NBPF12: variants seen among roughly 807,000 people sequenced by gnomAD.
NBPF12 encodes the protein NBPF member 12.
A neutral mutation model predicts 146.4 loss-of-function variants in NBPF12; 115 were observed. The observed-to-expected ratio is 0.79, with a 90% CI of 0.68 to 0.92. The LOEUF (loss-of-function observed/expected upper bound fraction) is 0.92, where lower values mean the gene tolerates loss of function less well. NBPF12 is among the 40% of genes least tolerant of loss of function. NBPF12 has a pLI of 0.00. For missense variants in NBPF12, 1,205 were observed against 1,326.8 expected, an observed-to-expected ratio of 0.91 and a Z score of 1.43; for synonymous variants, 385 against 508.9, an observed-to-expected ratio of 0.76 and a Z score of 3.28.
chr1:146,989,370 G>T (rs1347845046), intron 27 of NBPF12, among the ~76,000 whole-genome samples: 3 of 142,052 alleles, frequency 2.1e-5, no homozygotes, highest in African/African-American at 8.2e-5. Flanking sequence ...CTCTGTCTCT[G>T]TCTCTCTCTC....
intron 8 of NBPF12, among the ~76,000 whole-genome samples, chr1:146,966,124 C>G (rs1168787744): frequency 1.3e-5 from 2 of 151,762 alleles, no homozygotes; most frequent in Non-Finnish European, 2.9e-5. Flanking sequence ...AAACAAAAAA[C>G]CAAAAAAGAA....
intron 19 of NBPF12, among the ~76,000 whole-genome samples, chr1:146,980,740 GAACTAGA>G (rs1473817190): frequency 0.01 from 1,512 of 149,396 alleles, 48 homozygotes; most frequent in African/African-American, 0.035. Context: ...CAGGGATCTA[GAACTAGA>G]AATACCATTT....
intron 8 of NBPF12, among the ~76,000 whole-genome samples, chr1:146,965,414 G>C (rs1553885492): frequency 1.3e-5 from 2 of 150,042 alleles, no homozygotes; most frequent in South Asian, 4.2e-4. Context: ...GTGGGAGGAT[G>C]GGCTGAGATG....
intron 14 of NBPF12, among the ~76,000 whole-genome samples, chr1:146,974,104 G>T (rs1656836316): frequency 1.3e-5 from 2 of 150,130 alleles, no homozygotes; most frequent in Non-Finnish European, 2.9e-5. Flanking sequence ...AACATTTATT[G>T]GCACAGAGTA....
At chr1:146,969,883 C>CAG (rs1656472280) in intron 11 of NBPF12, among the ~76,000 whole-genome samples, 4 of 150,766 alleles carry the variant, frequency 2.7e-5, no homozygotes, top group East Asian at 2.0e-4. Context: ...GATGGGAGGG[C>CAG]GCTTGTTGGA....
At position 146,939,962 on chromosome 1, in the gene NBPF12, G is replaced by C. The variant is rs1365083816; in HGVS notation, c.-822+980G>C. ...ATCTTGTCACTGCACTCCAGCCTGGGTGACAGAGCGAGACTCCCTCTAAAA... is the reference window on the plus strand; with the variant it reads ...ATCTTGTCACTGCACTCCAGCCTGGCTGACAGAGCGAGACTCCCTCTAAAA... On this transcript the variant is annotated intron_variant, in intron 1 of 35. Transcript: ENST00000617931. 4.9e-4 allele frequency among the ~76,000 whole-genome samples: 71 copies of C among 144,140 alleles called. 1 individual carries two copies. The Middle Eastern group carries it at 0.014, about 29-fold the overall frequency. The allele number at this position is 144,140 out of a possible 152,430, so 94.6% of individuals were successfully genotyped here. A position where few individuals can be genotyped will look rare whatever the true frequency, so the allele number is the denominator to read the frequency against.
At chr1:146,972,209 A>T (rs1478053812) in intron 13 of NBPF12, among the ~76,000 whole-genome samples, 1 of 151,046 alleles carries the variant, frequency 6.6e-6, no homozygotes, top group African/African-American at 2.5e-5. Flanking sequence ...AGCCTGTCCA[A>T]GTTGGCGAAA....
intron 2 of NBPF12, among the ~76,000 whole-genome samples, chr1:146,952,495 T>C (rs1191008175): frequency 1.3e-5 from 2 of 151,962 alleles, no homozygotes; most frequent in African/African-American, 4.8e-5. Context: ...ATAATACAAC[T>C]GTTGGAACAA....
At chr1:146,994,723 A>T in exon 34 of NBPF12, 1 of 1,353,554 alleles carries the variant, frequency 7.4e-7, no homozygotes, top group Admixed American at 2.4e-5. Flanking sequence ...AGAGCATGCC[A>T]GTGGCAACCT....
upstream of NBPF12, among the ~76,000 whole-genome samples, chr1:146,949,007 G>C (rs1655201638): frequency 6.6e-6 from 1 of 151,804 alleles, no homozygotes; most frequent in African/African-American, 2.4e-5. Context: ...TTATGATGCA[G>C]AGACATTTGT....
chr1:146,960,880 G>C (rs1655804508), intron 4 of NBPF12, among the ~76,000 whole-genome samples: 1 of 152,092 alleles, frequency 6.6e-6, no homozygotes, highest in Admixed American at 6.6e-5. Context: ...GTGCAGCATG[G>C]CTCACTCCTG....
chr1:146,987,757 G>GTT (rs1455425988), intron 25 of NBPF12, among the ~76,000 whole-genome samples, 197 bp from the exon 29 acceptor site: 3 of 151,304 alleles, frequency 2.0e-5, no homozygotes, highest in Non-Finnish European at 3.0e-5. Flanking sequence ...GTGTGTGTGT[G>GTT]TGTCTGTCTT....
intron 19 of NBPF12, among the ~76,000 whole-genome samples, chr1:146,980,064 T>G (rs1333298924): frequency 6.7e-6 from 1 of 148,856 alleles, no homozygotes; most frequent in Non-Finnish European, 1.5e-5. Flanking sequence ...TTTACCATTA[T>G]GTAGTGGCCT....
chr1:146,980,445 G>T (rs1657300551), intron 19 of NBPF12, among the ~76,000 whole-genome samples: 2 of 151,956 alleles, frequency 1.3e-5, no homozygotes, highest in African/African-American at 4.8e-5. Context: ...TTTTGCAGTG[G>T]CTGGTACCGG....
At chr1:146,942,822 C>T (rs1234708702) in intron 1 of NBPF12, among the ~76,000 whole-genome samples, 1 of 148,968 alleles carries the variant, frequency 6.7e-6, no homozygotes, top group Non-Finnish European at 1.5e-5. Flanking sequence ...CGCCCACACA[C>T]TCTTAATTCC....
intron 4 of NBPF12, among the ~76,000 whole-genome samples, chr1:146,961,847 C>T (rs1409034388): frequency 7.9e-5 from 12 of 152,118 alleles, no homozygotes; most frequent in African/African-American, 2.2e-4. Flanking sequence ...GGCTGCAAGG[C>T]TTGGGAAAGT....
At chr1:146,984,763 T>C in intron 21 of NBPF12, 50 bp from the exon 25 acceptor site, 2 of 859,776 alleles carry the variant, frequency 2.3e-6, no homozygotes, top group South Asian at 1.3e-5. Context: ...TGGGGCTGTG[T>C]GGTTTCTGAT....
intron 8 of NBPF12, 63 bp from the exon 12 acceptor site, chr1:146,966,401 G>C: frequency 7.7e-7 from 1 of 1,300,592 alleles, no homozygotes; most frequent in Non-Finnish European, 1.1e-6. Context: ...CCTCAGTCCT[G>C]ATTAAGCCTA....
chr1:146,970,737 G>A lies in NBPF12; in HGVS notation c.1379+18G>A. On this transcript the variant is annotated intron_variant, in intron 12 of 33. Coordinates refer to ENST00000617844, the Ensembl canonical transcript of NBPF12. ...TCCCCCAGGTGACACTGAATACTCA[G>A]GAGCAAGTAATGGGTGTTAACATAT... 2 of 1,333,234 alleles carry A rather than the reference G, an allele frequency of 1.5e-6. No homozygotes were observed. The highest frequency in any genetic ancestry group is 2.2e-6 in the Non-Finnish European group (2 of 926,542). The allele number at this position is 1,333,234 out of a possible 1,614,324, so 82.6% of individuals were successfully genotyped here.
Sources: gnomAD v4.1 joint callset for allele counts (sites outside exome capture counted in the v4.1 genomes callset) on GRCh38, gnomAD v4.1.1 for gene constraint, MANE v1.5 for transcripts, NCBI Gene and HGNC (gene_info 2026-07-23, HGNC 2026-07-21) for gene names.